Variants in BMERB1 observed in about 807,000 individuals in gnomAD.
BMERB1 encodes the protein bMERB domain containing 1.
A neutral mutation model predicts 23.6 loss-of-function variants in BMERB1; 12 were observed. The observed-to-expected ratio is 0.51, with a 90% confidence interval of 0.33 to 0.82. The LOEUF is 0.82. BMERB1 is among the 40% of genes least tolerant of loss of function. The pLI is 0.03. For missense variants in BMERB1, 247 were observed against 255.4 expected, an observed-to-expected ratio of 0.97 and a Z score of 0.22; for synonymous variants, 122 against 96.6, an observed-to-expected ratio of 1.26 and a Z score of -1.54.
intron 3 of BMERB1, 31 bp from the exon 4 acceptor site, chr16:15,581,186 A>T (rs973868366): frequency 1.9e-6 from 3 of 1,556,482 alleles, no homozygotes; most frequent in Non-Finnish European, 1.8e-6. Context: ...CAAAATGCTC[A>T]TCTGTCTCCT....
chr16:15,435,626 G>A (rs2050881537), intron 1 of BMERB1, among the ~76,000 whole-genome samples: 1 of 152,142 alleles, frequency 6.6e-6, no homozygotes, highest in Admixed American at 6.5e-5. Context: ...TCCTTCTCAG[G>A]GACCCGGCAG....
At chr16:15,465,730 C>A (rs1210247573) in intron 1 of BMERB1, among the ~76,000 whole-genome samples, 1 of 152,154 alleles carries the variant, frequency 6.6e-6, no homozygotes, top group Non-Finnish European at 1.5e-5. Flanking sequence ...CTACTCAGTC[C>A]TTTTTCTTTC....
At chr16:15,449,766 G>C (rs1245872779) in intron 1 of BMERB1, among the ~76,000 whole-genome samples, 1 of 151,814 alleles carries the variant, frequency 6.6e-6, no homozygotes, top group Non-Finnish European at 1.5e-5. Context: ...GACTGGTCTC[G>C]AACTCCTGAC....
At chr16:15,569,771 A>T (rs1315564918) in intron 3 of BMERB1, among the ~76,000 whole-genome samples, 3 of 152,204 alleles carry the variant, frequency 2.0e-5, no homozygotes, top group South Asian at 2.1e-4. Flanking sequence ...TAGATTCTGC[A>T]ATAGTGATGT....
intron 1 of BMERB1, among the ~76,000 whole-genome samples, chr16:15,485,172 G>C (rs951803599): frequency 3.3e-5 from 5 of 152,194 alleles, no homozygotes; most frequent in African/African-American, 9.7e-5. Flanking sequence ...TTACCATGGT[G>C]GGGGAGAGGG....
intron 1 of BMERB1, among the ~76,000 whole-genome samples, chr16:15,489,909 C>G (rs149286666): frequency 2.5e-3 from 374 of 152,240 alleles, no homozygotes; most frequent in African/African-American, 8.4e-3. Context: ...CTCTGTCGCC[C>G]AGGCTGCAGT....
chr16:15,575,164 G>T (rs1033581989), intron 3 of BMERB1, among the ~76,000 whole-genome samples: 1 of 152,140 alleles, frequency 6.6e-6, no homozygotes, highest in African/African-American at 2.4e-5. Context: ...ACTCCCTCCA[G>T]GCCTCTCTGG....
chr16:15,469,819 A>T (rs1277917624), intron 1 of BMERB1, among the ~76,000 whole-genome samples: 1 of 152,178 alleles, frequency 6.6e-6, no homozygotes, highest in Non-Finnish European at 1.5e-5. Context: ...TGCAGTTCAT[A>T]TTTGTCTCTT....
chr16:15,496,969 C>T (rs1302579472), intron 1 of BMERB1, among the ~76,000 whole-genome samples: 1 of 152,136 alleles, frequency 6.6e-6, no homozygotes, highest in Non-Finnish European at 1.5e-5. Flanking sequence ...TGGCTTTGAA[C>T]ATGAAGCAAG....
At chr16:15,447,999 C>T in intron 1 of BMERB1, 1 of 438,816 alleles carries the variant, frequency 2.3e-6, no homozygotes, top group Non-Finnish European at 4.6e-6. Context: ...AAGCGATTGT[C>T]CTGCCTCAGC....
At chr16:15,505,135 A>C (rs989824469) in intron 1 of BMERB1, among the ~76,000 whole-genome samples, 1 of 152,184 alleles carries the variant, frequency 6.6e-6, no homozygotes, top group South Asian at 2.1e-4. Flanking sequence ...TTGCCAAGTC[A>C]TTTTACATCC....
intron 1 of BMERB1, among the ~76,000 whole-genome samples, chr16:15,497,562 C>G (rs370940909): frequency 1.3e-5 from 2 of 152,204 alleles, no homozygotes; most frequent in Admixed American, 6.5e-5. Flanking sequence ...TTTTCACGTC[C>G]GTTGGGCCTC....
intron 1 of BMERB1, among the ~76,000 whole-genome samples, chr16:15,515,060 C>A (rs1206766620): frequency 6.6e-6 from 1 of 152,130 alleles, no homozygotes; most frequent in African/African-American, 2.4e-5. Context: ...CCAGCCTGGG[C>A]GACAGAGCCA....
intron 1 of BMERB1, among the ~76,000 whole-genome samples, chr16:15,456,543 A>G (rs1478725901): frequency 1.3e-5 from 2 of 151,950 alleles, no homozygotes; most frequent in Non-Finnish European, 2.9e-5. Context: ...TTGCCATGTT[A>G]TCCAGGCTGG....
At chr16:15,516,407 G>A (rs898586041) in intron 2 of BMERB1, among the ~76,000 whole-genome samples, 2 of 152,092 alleles carry the variant, frequency 1.3e-5, no homozygotes, top group Non-Finnish European at 2.9e-5. Context: ...GAGACACAGT[G>A]AGAGCCTGTC....
intron 1 of BMERB1, among the ~76,000 whole-genome samples, chr16:15,440,789 C>T (rs756686900): frequency 1.3e-5 from 2 of 152,088 alleles, no homozygotes; most frequent in South Asian, 2.1e-4. Context: ...AAAGTCCCTG[C>T]CCACATAAAG....
At chr16:15,581,535 T>A in intron 4 of BMERB1, 1 of 474,874 alleles carries the variant, frequency 2.1e-6, no homozygotes. Flanking sequence ...TTCAAATCTG[T>A]GCCTCTTGAG....
intron 2 of BMERB1, among the ~76,000 whole-genome samples, chr16:15,532,344 G>A (rs2051975976): frequency 6.6e-6 from 1 of 151,422 alleles, no homozygotes; most frequent in Admixed American, 6.6e-5. Flanking sequence ...CGATTCTCCT[G>A]CCTCAGCCTC....
At chr16:15,478,563 A>G (rs980778507) in intron 1 of BMERB1, among the ~76,000 whole-genome samples, 1 of 152,340 alleles carries the variant, frequency 6.6e-6, no homozygotes, top group Admixed American at 6.5e-5. Flanking sequence ...AGCATGATCC[A>G]AGGACCCTGG....
Sources: allele counts gnomAD v4.1 joint callset (sites outside exome capture counted in the v4.1 genomes callset), GRCh38; gene constraint gnomAD v4.1.1; transcripts MANE v1.5; gene names NCBI Gene and HGNC (gene_info 2026-07-23, HGNC 2026-07-21).